TBC1D12: variants seen among roughly 807,000 people sequenced by gnomAD.
TBC1D12 encodes TBC1 domain family, member 12.
Under a neutral mutation model 86.7 loss-of-function variants are expected in TBC1D12, and 56 were observed. The ratio of observed to expected loss-of-function variants is 0.65; its 90% CI spans 0.52 to 0.81. The LOEUF is 0.81. TBC1D12 is among the 30% of genes least tolerant of loss of function. The pLI, the probability that TBC1D12 is intolerant of heterozygous loss-of-function variation, is 0.00. For synonymous variants in TBC1D12, 421 were observed against 411.7 expected, an observed-to-expected ratio of 1.02 and a Z score of -0.27; for missense variants, 1,023 against 1,038.8, an observed-to-expected ratio of 0.98 and a Z score of 0.21.
intron 6 of TBC1D12, among the ~76,000 whole-genome samples, chr10:94,501,088 G>GAATA (rs1485539112): frequency 6.9e-6 from 1 of 144,968 alleles, no homozygotes; most frequent in Non-Finnish European, 1.5e-5. Context: ...ATGAATGAAT[G>GAATA]AATGAATGAA....
intron 3 of TBC1D12, among the ~76,000 whole-genome samples, chr10:94,487,242 C>CT (rs60104750): frequency 0.42 from 53,162 of 127,478 alleles, 10,738 homozygotes; most frequent in East Asian, 0.72. Context: ...ATCATTGGGT[C>CT]TTTTTTTTTT....
intron 12 of TBC1D12, among the ~76,000 whole-genome samples, chr10:94,532,144 T>A (rs1034408326): frequency 6.6e-6 from 1 of 151,474 alleles, no homozygotes; most frequent in Admixed American, 6.6e-5. Context: ...CCTCCCAAAG[T>A]GTTGGGATTA....
intron 2 of TBC1D12, chr10:94,447,722 T>C (rs2055490351): frequency 1.0e-6 from 1 of 979,050 alleles, no homozygotes; most frequent in Admixed American, 6.2e-5. Flanking sequence ...ATTTCAGTTA[T>C]ATCGTAGTTC....
In TBC1D12 at chr10:94,533,136, T is replaced by G; in HGVS notation, c.*40T>G. Reference sequence around the variant, plus strand: ...AGACTAACTGACATAGAAAAAGTGGTTTTTGGATAAAGGTTTTTTGTTTCC... The same window carrying G: ...AGACTAACTGACATAGAAAAAGTGGGTTTTGGATAAAGGTTTTTTGTTTCC... On this transcript the variant is annotated 3_prime_UTR_variant, in exon 13 of 13. Coordinates refer to ENST00000225235, the MANE Select transcript of TBC1D12 (RefSeq NM_015188.2). The G allele has an allele frequency of 7.3e-7, 1 of 1,371,872 alleles. No homozygotes were observed. The highest frequency in any genetic ancestry group is 1.5e-5 in the African/African-American group (1 of 67,842). The allele number at this position is 1,371,872 out of a possible 1,614,324, so 85.0% of individuals were successfully genotyped here. A position where few individuals can be genotyped will look rare whatever the true frequency, so the allele number is the denominator to read the frequency against.
intron 2 of TBC1D12, among the ~76,000 whole-genome samples, chr10:94,473,399 C>T (rs1225310822): frequency 6.6e-6 from 1 of 151,030 alleles, no homozygotes; most frequent in Non-Finnish European, 1.5e-5. Context: ...AAAAGATTAT[C>T]AAATTTTTAA....
chr10:94,527,474 G>A (rs1242901246), intron 11 of TBC1D12, among the ~76,000 whole-genome samples: 2 of 146,962 alleles, frequency 1.4e-5, no homozygotes, highest in African/African-American at 2.6e-5. Flanking sequence ...TGAATAGTTT[G>A]CAGATATTTT....
chr10:94,447,329 T>C lies in TBC1D12; in HGVS notation c.1095+5310T>C, dbSNP rs553576646. Among the ~76,000 whole-genome samples the C allele has an allele frequency of 4.6e-5, 7 of 151,960 alleles. No individual in the cohort carries two copies. In the South Asian group the frequency reaches 1.0e-3, roughly 23 times the overall value. ...TTAATTATATAGATGTGTATATATA[T>C]ACACACACACACATCTATATACAAT... On this transcript the variant is annotated intron_variant, in intron 2 of 12. Transcript: ENST00000225235.
At chr10:94,523,675 A>G (rs978111759) in intron 11 of TBC1D12, among the ~76,000 whole-genome samples, 2 of 152,188 alleles carry the variant, frequency 1.3e-5, no homozygotes. Flanking sequence ...CTAGCTTAAA[A>G]AAAAAGGCCA....
intron 5 of TBC1D12, among the ~76,000 whole-genome samples, 198 bp from the exon 6 acceptor site, chr10:94,500,023 T>G (rs1334223598): frequency 6.6e-6 from 1 of 152,198 alleles, no homozygotes; most frequent in Admixed American, 6.5e-5. Context: ...TGTTGCCCCT[T>G]TGGGATCCTA....
At chr10:94,477,470 C>T (rs1361587426) in intron 3 of TBC1D12, among the ~76,000 whole-genome samples, 1 of 152,120 alleles carries the variant, frequency 6.6e-6, no homozygotes, top group African/African-American at 2.4e-5. Flanking sequence ...GAGTATAAAA[C>T]CAGCTGAGGG....
intron 1 of TBC1D12, among the ~76,000 whole-genome samples, chr10:94,440,810 A>AT (rs1178701754): frequency 6.6e-6 from 1 of 152,196 alleles, no homozygotes; most frequent in Non-Finnish European, 1.5e-5. Context: ...CCCTGCTTAC[A>AT]TAAAAAAATA....
chr10:94,443,621 T>A lies in TBC1D12; in HGVS notation c.1095+1602T>A, dbSNP rs900007785. On this transcript the variant is annotated intron_variant, in intron 2 of 12. Transcript: ENST00000225235. ...TTGAGGCAAACAGTGATATTCCACATCAGTTGGATATGGTGGAGACTGGTA... is the reference window on the plus strand; with the variant it reads ...TTGAGGCAAACAGTGATATTCCACAACAGTTGGATATGGTGGAGACTGGTA... Among the ~76,000 whole-genome samples the A allele has an allele frequency of 1.2e-4, 19 of 152,338 alleles. No individual in the cohort carries two copies. In the East Asian group the frequency reaches 2.3e-3, roughly 19 times the overall value.
chr10:94,459,979 C>T lies in TBC1D12; in HGVS notation c.1096-14689C>T, dbSNP rs141405278. On this transcript the variant is annotated intron_variant, in intron 2 of 12. Transcript: ENST00000225235. ...GCAGTGGGCTGAAGGGCTTCTCAAG[C>T]GCAGCCAGAGCGGACACAGAGGCTG... Among the ~76,000 whole-genome samples the T allele has an allele frequency of 3.5e-3, 526 of 152,312 alleles. 2 individuals are homozygous for T. Among genetic ancestry groups the T allele is most frequent in the African/African-American group, 0.012 (490 of 41,572 alleles).
chr10:94,413,007 A>G (rs1034510818), intron 1 of TBC1D12, among the ~76,000 whole-genome samples: 1 of 152,234 alleles, frequency 6.6e-6, no homozygotes, highest in Non-Finnish European at 1.5e-5. Context: ...ATTCTGATGC[A>G]GGCGATTCCC....
intron 3 of TBC1D12, among the ~76,000 whole-genome samples, chr10:94,490,808 A>C (rs954681224): frequency 6.6e-6 from 1 of 152,032 alleles, no homozygotes; most frequent in Non-Finnish European, 1.5e-5. Context: ...ACTCTTATCT[A>C]TCAGGAGGCC....
chr10:94,409,374 C>CTTTTT (rs71306819), intron 1 of TBC1D12, among the ~76,000 whole-genome samples: 2 of 125,404 alleles, frequency 1.6e-5, no homozygotes, highest in African/African-American at 3.0e-5. Flanking sequence ...ATTAAATTAA[C>CTTTTT]TTTTTTTTTT....
At chr10:94,492,882 A>G (rs1291153722) in intron 3 of TBC1D12, among the ~76,000 whole-genome samples, 3 of 152,312 alleles carry the variant, frequency 2.0e-5, no homozygotes, top group Middle Eastern at 3.4e-3. Flanking sequence ...TCATTTTATT[A>G]TATGAAAATT....
rs574295428 is a variant in TBC1D12 at position 94,436,649 on chromosome 10, T to C, written c.972-5247T>C. Among the ~76,000 whole-genome samples, 43 of 152,270 alleles carry C rather than the reference T, an allele frequency of 2.8e-4. No homozygotes were observed. In the East Asian group the frequency reaches 7.9e-3, roughly 28 times the overall value. ...CAATAATGTATCATTTCATTCTCTCTATAAATTTTTATAAAACTTTGGCTA... is the reference window on the plus strand; with the variant it reads ...CAATAATGTATCATTTCATTCTCTCCATAAATTTTTATAAAACTTTGGCTA... On this transcript the variant is annotated intron_variant, in intron 1 of 12. Transcript: ENST00000225235.
At chr10:94,499,936 C>G (rs1298322918) in intron 5 of TBC1D12, among the ~76,000 whole-genome samples, 1 of 152,066 alleles carries the variant, frequency 6.6e-6, no homozygotes, top group African/African-American at 2.4e-5. Context: ...TCCCTTTTAT[C>G]CTGTTTTTTA....
Sources: allele counts gnomAD v4.1 joint callset (sites outside exome capture counted in the v4.1 genomes callset), GRCh38; gene constraint gnomAD v4.1.1; transcripts MANE v1.5; gene names NCBI Gene and HGNC (gene_info 2026-07-23, HGNC 2026-07-21).